The following TCF15 variants were observed in gnomAD, a reference collection of about 807,000 sequenced individuals.
TCF15 encodes transcription factor 15.
In TCF15, 7 loss-of-function variants were observed where a neutral mutation model predicts 11.1. The ratio of observed to expected loss-of-function variants is 0.63; its 90% CI spans 0.36 to 1.19. The LOEUF (loss-of-function observed/expected upper bound fraction) is 1.19. TCF15 is among the 50% of genes most tolerant of loss of function. The pLI is 0.02. For synonymous variants in TCF15, 144 were observed against 138.9 expected (o/e 1.04, Z -0.26); for missense variants, 288 against 289.4 (o/e 1.00, Z 0.03).
In TCF15 at chr20:610,256, T is replaced by A. The variant is rs183989; in HGVS notation, c.-19A>T. ...ACGCCATGGGCGCCGGCCGCGTCCC[T>A]CCGTGCGCCGCGTCCCAGCGTCGGC... On this transcript the variant is annotated 5_prime_UTR_variant, in exon 1 of 2. Transcript: ENST00000246080. 5.0e-4 allele frequency: 495 copies of A among 990,784 alleles called. No homozygotes were observed. Among genetic ancestry groups the A allele is most frequent in the Admixed American group, 6.2e-4 (10 of 16,168 alleles). The allele number at this position is 990,784 out of a possible 1,614,324, so 61.4% of individuals were successfully genotyped here. A position where few individuals can be genotyped will look rare whatever the true frequency, so the allele number is the denominator to read the frequency against.
rs1288370624 is a variant in TCF15 at position 604,727 on chromosome 20, AC to A, written c.526-63del. On this transcript the variant is annotated intron_variant, in intron 1 of 1. Transcript: ENST00000246080. The surrounding 1 kb of genome is among the most constrained non-coding windows in gnomAD (Gnocchi z 4.2). ...TAGGCCAGTGTGAACACTGGAACTA[AC>A]CTCTGTATCCCTCAAGAGGGATCCT... 5 of 1,287,070 alleles carry A rather than the reference AC, an allele frequency of 3.9e-6. No individual in the cohort carries two copies. The highest frequency in any genetic ancestry group is 4.3e-6 in the Non-Finnish European group (4 of 938,250). The allele number at this position is 1,287,070 out of a possible 1,614,324, so 79.7% of individuals were successfully genotyped here. A position where few individuals can be genotyped will look rare whatever the true frequency, so the allele number is the denominator to read the frequency against.
intron 1 of TCF15, among the ~76,000 whole-genome samples, chr20:607,770 A>G (rs186365154): frequency 1.3e-5 from 2 of 152,326 alleles, no homozygotes; most frequent in Admixed American, 1.3e-4. Context: ...CCACGTCCCA[A>G]CCAGGCAGGC....
Position 610,132 on chromosome 20 carries a change from G to A in TCF15, c.106C>T (p.Gln36Ter). The A allele has an allele frequency of 9.7e-7, 1 of 1,029,072 alleles. No homozygotes were observed. The highest frequency in any genetic ancestry group is 1.2e-6 in the Non-Finnish European group (1 of 852,882). 63.7% of individuals were successfully genotyped at this position (1,029,072 alleles called of 1,614,324 possible). ...GGGCCCTCGCAGCAGCCGAACGACT[G>A]GTCCGACGCGTCGCTCTCGCTGCGG... Reference protein sequence around the residue: ...ENRSESDASDQSFGCCEGPEA... With the variant: ...ENRSESDASD Residue 36 changes from glutamine (Q) to a stop codon, truncating the protein, a stop_gained, in exon 1 of 2, where the codon CAG becomes TAG. Transcript: ENST00000246080. LOFTEE classifies it high-confidence loss of function.
chr20:604,301 TCACA>T lies in TCF15; in HGVS notation c.*286_*289del, dbSNP rs1350698969. ...TTATTTTAAACTCACCAATTCTCTC[TCACA>T]CACACTCACACTCACGCACAGATAC... is the stretch of plus-strand genomic sequence containing the variant. On this transcript the variant is annotated 3_prime_UTR_variant, in exon 2 of 2. Coordinates refer to ENST00000246080, the MANE Select transcript of TCF15 (RefSeq NM_004609.4). The surrounding 1 kb of genome is among the most constrained non-coding windows in gnomAD (Gnocchi z 4.2). The T allele has an allele frequency of 3.9e-6, 2 of 511,234 alleles. No homozygotes were observed. Among genetic ancestry groups the T allele is most frequent in the African/African-American group, 1.9e-5 (1 of 51,370 alleles). The allele number at this position is 511,234 out of a possible 1,614,324, so 31.7% of individuals were successfully genotyped here.
chr20:607,933 C>T (rs899311690), intron 1 of TCF15, among the ~76,000 whole-genome samples: 1 of 152,212 alleles, frequency 6.6e-6, no homozygotes, highest in Non-Finnish European at 1.5e-5. Context: ...GATCAGTGCT[C>T]ATGAAGGCTG....
In TCF15 at chr20:610,033, C is replaced by A. The variant is rs1320575028; in HGVS notation, c.205G>T (p.Val69Leu). The A allele has an allele frequency of 9.0e-6, 11 of 1,221,094 alleles. No individual in the cohort carries two copies. The highest frequency in any genetic ancestry group is 1.1e-5 in the Non-Finnish European group (11 of 979,600). 75.6% of individuals were successfully genotyped at this position (1,221,094 alleles called of 1,614,324 possible). A position where few individuals can be genotyped will look rare whatever the true frequency, so the allele number is the denominator to read the frequency against. ...GCCGCCTGCCGCTGTCGCACCACCA[C>A]CACGGGGCCCGCGCCGCCGCCGCCG... ...AGGGGGAGPV[V>L]VVRQRQAANA... Residue 69 changes from valine (V) to leucine (L), a missense_variant, in exon 1 of 2, where the codon GTG becomes TTG. Physicochemically the swap from Val to Leu is conservative, Grantham distance 32. Coordinates refer to ENST00000246080, the MANE Select transcript of TCF15 (RefSeq NM_004609.4).
At position 610,260 on chromosome 20, in the gene TCF15, T is replaced by G; in HGVS notation, c.-23A>C. ...CATGGGCGCCGGCCGCGTCCCTCCG[T>G]GCGCCGCGTCCCAGCGTCGGCCGCG... On this transcript the variant is annotated 5_prime_UTR_variant, in exon 1 of 2. Transcript: ENST00000246080. 1 of 989,148 alleles carries G rather than the reference T, an allele frequency of 1.0e-6. No homozygotes were observed. The allele number at this position is 989,148 out of a possible 1,614,324, so 61.3% of individuals were successfully genotyped here. A position where few individuals can be genotyped will look rare whatever the true frequency, so the allele number is the denominator to read the frequency against.
At chr20:608,827 T>C (rs1378111683) in intron 1 of TCF15, among the ~76,000 whole-genome samples, 1 of 152,110 alleles carries the variant, frequency 6.6e-6, no homozygotes, top group Non-Finnish European at 1.5e-5. Flanking sequence ...TTCTTTACTG[T>C]AGGAAAAGCC....
In TCF15 at chr20:609,875, G is replaced by T; in HGVS notation, c.363C>A (p.Ile121=). 2 of 1,526,942 alleles carry T rather than the reference G, an allele frequency of 1.3e-6. No homozygotes were observed. The highest frequency in any genetic ancestry group is 8.7e-7 in the Non-Finnish European group (1 of 1,147,740). 94.6% of individuals were successfully genotyped at this position (1,526,942 alleles called of 1,614,324 possible). ...IETVRLASSY[I]AHLANVLLLG... ...GCAGCAGCACGTTGGCCAGGTGCGC[G>T]ATGTAGCTGGACGCCAGGCGCACGG... The change falls in exon 1 of 2, where the codon ATC becomes ATA. Residue 121 remains isoleucine, a synonymous_variant. Coordinates refer to ENST00000246080, the MANE Select transcript of TCF15 (RefSeq NM_004609.4). The surrounding 1 kb of genome is among the most constrained non-coding windows in gnomAD (Gnocchi z 4.7).
At position 604,625 on chromosome 20, in the gene TCF15, C is replaced by A. The variant is rs199584509; in HGVS notation, c.566G>T (p.Arg189Met). The A allele has an allele frequency of 2.5e-4, 391 of 1,554,280 alleles. No individual in the cohort carries two copies. The highest frequency in any genetic ancestry group is 3.2e-4 in the Non-Finnish European group (371 of 1,148,390). ...RDLGGSCLKVRGVAPLRGPRR is the reference protein window; with the variant it reads ...RDLGGSCLKVMGVAPLRGPRR ...TGGCCCTCGAAGGGGGGCCACCCCC[C>A]TCACCTTCAAGCAGCTGCCCCCCAG... is the stretch of plus-strand genomic sequence containing the variant. Residue 189 changes from arginine to methionine, a missense_variant, in exon 2 of 2, where the codon AGG (arginine) becomes ATG (methionine). Coordinates refer to ENST00000246080, the MANE Select transcript of TCF15 (RefSeq NM_004609.4). The surrounding 1 kb of genome is among the most constrained non-coding windows in gnomAD (Gnocchi z 4.2).
rs1244428850 is a variant in TCF15 at position 609,948 on chromosome 20, G to C, written c.290C>G (p.Thr97Arg). Reference protein sequence around the residue: ...SVNTAFTALRTLIPTEPVDRK... With the variant: ...SVNTAFTALRRLIPTEPVDRK... The stretch of plus-strand genomic sequence containing the variant: ...GTCCACCGGCTCGGTGGGGATGAGC[G>C]TGCGCAGCGCCGTGAAGGCCGTGTT... Residue 97 changes from threonine to arginine, a missense_variant, in exon 1 of 2, where the codon ACG becomes AGG. Physicochemically the swap from Thr to Arg is moderately conservative, Grantham distance 71. Transcript: ENST00000246080. This position sits in a 1 kb window ranked among gnomAD's most constrained non-coding sequence, Gnocchi z 4.7. 1 of 1,499,506 alleles carries C rather than the reference G, an allele frequency of 6.7e-7. No individual in the cohort carries two copies. Among genetic ancestry groups the C allele is most frequent in the African/African-American group, 1.4e-5 (1 of 69,616 alleles). 92.9% of individuals were successfully genotyped at this position (1,499,506 alleles called of 1,614,324 possible). A position where few individuals can be genotyped will look rare whatever the true frequency, so the allele number is the denominator to read the frequency against.
chr20:609,829 C>A lies in TCF15; in HGVS notation c.409G>T (p.Gly137Trp). 6.6e-7 allele frequency: 1 copy of A among 1,517,462 alleles called. No homozygotes were observed. Among genetic ancestry groups the A allele is most frequent in the Middle Eastern group, 1.9e-4 (1 of 5,352 alleles). The allele number at this position is 1,517,462 out of a possible 1,614,324, so 94.0% of individuals were successfully genotyped here. ...CCCGCGGCACGGAAGCACGGCTGCC[C>A]GTCGTCGGCCGAGTCGCCCAGCAGC... ...VLLLGDSADD[G>W]QPCFRAAGSA... The change falls in exon 1 of 2, where the codon GGG becomes TGG. Residue 137 changes from glycine to tryptophan, a missense_variant. Coordinates refer to ENST00000246080, the MANE Select transcript of TCF15 (RefSeq NM_004609.4). The surrounding 1 kb of genome is among the most constrained non-coding windows in gnomAD (Gnocchi z 4.7).
In TCF15 at chr20:604,800, GAAA is replaced by G; in HGVS notation, c.526-138_526-136del. 1.4e-6 allele frequency: 1 copy of G among 728,672 alleles called. No homozygotes were observed. The allele number at this position is 728,672 out of a possible 1,614,324, so 45.1% of individuals were successfully genotyped here. A position where few individuals can be genotyped will look rare whatever the true frequency, so the allele number is the denominator to read the frequency against. ...CCACACGATCAAGTTCTCTGCAACA[GAAA>G]GCAGAAGAAACCCTTTCTGGACTGA... On this transcript the variant is annotated intron_variant, in intron 1 of 1. Coordinates refer to ENST00000246080, the MANE Select transcript of TCF15 (RefSeq NM_004609.4). The surrounding 1 kb of genome is among the most constrained non-coding windows in gnomAD (Gnocchi z 4.2).
rs1401837418 is a variant in TCF15 at position 604,687 on chromosome 20, A to G, written c.526-22T>C. 1 of 1,543,070 alleles carries G rather than the reference A, an allele frequency of 6.5e-7. No homozygotes were observed. Among genetic ancestry groups the G allele is most frequent in the Admixed American group, 2.0e-5 (1 of 49,310 alleles). Reference sequence around the variant, plus strand: ...CACCCTGCAGAGGGGGAGAAAGAGTATAAAGAGGTTCGATTAGGCCAGTGT... The same window carrying G: ...CACCCTGCAGAGGGGGAGAAAGAGTGTAAAGAGGTTCGATTAGGCCAGTGT... On this transcript the variant is annotated intron_variant, in intron 1 of 1. Coordinates refer to ENST00000246080, the MANE Select transcript of TCF15 (RefSeq NM_004609.4). The surrounding 1 kb of genome is among the most constrained non-coding windows in gnomAD (Gnocchi z 4.2).
At chr20:606,340 C>T (rs1050767106) in intron 1 of TCF15, among the ~76,000 whole-genome samples, 1 of 152,132 alleles carries the variant, frequency 6.6e-6, no homozygotes, top group Non-Finnish European at 1.5e-5. Flanking sequence ...GAGAGCCGCC[C>T]CCTCCCACCC....
At chr20:606,620 C>T (rs1600449736) in intron 1 of TCF15, among the ~76,000 whole-genome samples, 1 of 152,138 alleles carries the variant, frequency 6.6e-6, no homozygotes, top group Admixed American at 6.5e-5. Flanking sequence ...AGTTCGAGAC[C>T]AGCCTGGCCA....
intron 1 of TCF15, among the ~76,000 whole-genome samples, chr20:607,739 G>C (rs1438144656): frequency 1.3e-5 from 2 of 152,176 alleles, no homozygotes; most frequent in African/African-American, 2.4e-5. Flanking sequence ...CAGTTACAGG[G>C]ACTTCCCTCT....
At chr20:606,098 C>T (rs1294691373) in intron 1 of TCF15, among the ~76,000 whole-genome samples, 2 of 152,286 alleles carry the variant, frequency 1.3e-5, no homozygotes, top group Middle Eastern at 3.4e-3. Flanking sequence ...CATCCAGATG[C>T]GAGCCCAGCC....
At chr20:606,710 T>C (rs747999855) in intron 1 of TCF15, among the ~76,000 whole-genome samples, 19 of 150,482 alleles carry the variant, frequency 1.3e-4, no homozygotes, top group Non-Finnish European at 2.5e-4. Context: ...CCCAGCTACT[T>C]GGGAGGCTGG....
Sources: allele counts gnomAD v4.1 joint callset (sites outside exome capture counted in the v4.1 genomes callset), GRCh38; gene constraint gnomAD v4.1.1; non-coding constraint Gnocchi (gnomAD v3.1); transcripts MANE v1.5; gene names NCBI Gene and HGNC (gene_info 2026-07-23, HGNC 2026-07-21).